The following PTPRG variants were observed in gnomAD, a reference collection of about 807,000 sequenced individuals.
PTPRG encodes protein tyrosine phosphatase receptor type G.
Under a neutral mutation model 165.3 loss-of-function variants are expected in PTPRG, and 102 were observed. The observed-to-expected ratio is 0.62, with a 90% CI of 0.53 to 0.73. The LOEUF (loss-of-function observed/expected upper bound fraction) is 0.73. Among genes scored for constraint, PTPRG ranks in the 30% least tolerant of loss-of-function variants. PTPRG has a pLI of 0.00. For synonymous variants in PTPRG, 675 were observed against 669.5 expected, an observed-to-expected ratio of 1.01 and a Z score of -0.13; for missense variants, 1,866 against 1,861.4, an observed-to-expected ratio of 1.00 and a Z score of -0.05.
rs186540477 is a variant in PTPRG, at chr3:62,162,984, G to A, written c.841-4987G>A. On this transcript the variant is annotated intron_variant, in intron 7 of 29. Coordinates refer to ENST00000474889, the MANE Select transcript of PTPRG (RefSeq NM_002841.4). Reference sequence around the variant, plus strand: ...CTCTGCAGGAGGCATGATTGGGAAGGCCTCAGGAAACTTACAATCATGGCG... The same window carrying A: ...CTCTGCAGGAGGCATGATTGGGAAGACCTCAGGAAACTTACAATCATGGCG... Among the ~76,000 whole-genome samples the A allele has an allele frequency of 2.0e-5, 3 of 152,326 alleles. No homozygotes were observed. In the East Asian group the frequency reaches 5.8e-4, roughly 29 times the overall value.
chr3:61,953,090 G>C (rs2039937413), intron 2 of PTPRG, among the ~76,000 whole-genome samples: 1 of 151,900 alleles, frequency 6.6e-6, no homozygotes, highest in South Asian at 2.1e-4. Flanking sequence ...CCGTGCCCCA[G>C]GTCAAGCCCA....
At chr3:62,103,467 C>G (rs182175301) in intron 5 of PTPRG, among the ~76,000 whole-genome samples, 22 of 152,314 alleles carry the variant, frequency 1.4e-4, no homozygotes, top group African/African-American at 5.3e-4. Flanking sequence ...TCCGGTCTCA[C>G]GGTTTTTAAA....
At chr3:61,944,649 T>C (rs1427408986) in intron 2 of PTPRG, among the ~76,000 whole-genome samples, 1 of 152,178 alleles carries the variant, frequency 6.6e-6, no homozygotes, top group Admixed American at 6.5e-5. Context: ...ATGACTAGGA[T>C]AGTTGTCAGC....
At chr3:62,109,813 T>A (rs1225110141) in intron 5 of PTPRG, among the ~76,000 whole-genome samples, 1 of 152,190 alleles carries the variant, frequency 6.6e-6, no homozygotes, top group Non-Finnish European at 1.5e-5. Context: ...TTCTAATCTA[T>A]GCTTTCTGGT....
In PTPRG at chr3:61,742,809, G is replaced by A. The variant is rs918392518; in HGVS notation, c.86-6069G>A. On this transcript the variant is annotated intron_variant, in intron 1 of 29. Transcript: ENST00000474889. ...CATCATACTTCTTGGCCAGCTTCTT[G>A]ACCAGTTTTTTATTCTTTTTGAGTT... The A allele has an allele frequency of 4.8e-5, 77 of 1,606,760 alleles. No individual in the cohort carries two copies. The East Asian group carries it at 1.7e-3, about 35-fold the overall frequency.
intron 6 of PTPRG, among the ~76,000 whole-genome samples, chr3:62,139,668 G>A (rs1023748935): frequency 2.6e-5 from 4 of 152,132 alleles, no homozygotes; most frequent in African/African-American, 7.2e-5. Flanking sequence ...TTTTCTTGTC[G>A]AAACACGGCA....
intron 8 of PTPRG, among the ~76,000 whole-genome samples, chr3:62,185,588 CA>C (rs201842951): frequency 1.3e-5 from 2 of 149,686 alleles, no homozygotes; most frequent in African/African-American, 4.9e-5. Flanking sequence ...GAGACTATGG[CA>C]AAAAAAAAGA....
At chr3:62,075,533 A>G (rs1458154270) in intron 4 of PTPRG, among the ~76,000 whole-genome samples, 2 of 152,368 alleles carry the variant, frequency 1.3e-5, no homozygotes, top group Non-Finnish European at 2.9e-5. Flanking sequence ...CTTAGGAAAA[A>G]GAATTACCTT....
rs149017478 is a variant in PTPRG, at chr3:61,678,913, G to A, written c.86-69965G>A. 7.2e-3 allele frequency among the ~76,000 whole-genome samples: 1,098 copies of A among 152,028 alleles called. 20 individuals carry two copies. The highest frequency in any genetic ancestry group is 0.025 in the African/African-American group (1,036 of 41,458). On this transcript the variant is annotated intron_variant, in intron 1 of 29. Coordinates refer to ENST00000474889, the MANE Select transcript of PTPRG (RefSeq NM_002841.4). ...GCCTCCCAATGCTCACCCCTCATTAGTATCTCTGTATTATGTGCAATTTTT... is the reference window on the plus strand; with the variant it reads ...GCCTCCCAATGCTCACCCCTCATTAATATCTCTGTATTATGTGCAATTTTT...
At chr3:62,275,573 G>A (rs1194451278) in intron 23 of PTPRG, among the ~76,000 whole-genome samples, 1 of 152,138 alleles carries the variant, frequency 6.6e-6, no homozygotes, top group African/African-American at 2.4e-5. Context: ...GAGCAGCCTG[G>A]GAAACACAGG....
chr3:61,685,306 G>A (rs1320084022), intron 1 of PTPRG, among the ~76,000 whole-genome samples: 14 of 152,200 alleles, frequency 9.2e-5, no homozygotes, highest in Non-Finnish European at 1.6e-4. Context: ...GGGCAAGTTA[G>A]TTTGGTTAGA....
chr3:62,258,498 AT>A (rs1345577475), intron 16 of PTPRG, among the ~76,000 whole-genome samples: 2 of 152,180 alleles, frequency 1.3e-5, no homozygotes, highest in East Asian at 1.9e-4. Context: ...GCATCTATGT[AT>A]TTTCATTGGA....
At chr3:61,690,998 A>T (rs1458692760) in intron 1 of PTPRG, among the ~76,000 whole-genome samples, 11 of 152,192 alleles carry the variant, frequency 7.2e-5, no homozygotes, top group Non-Finnish European at 1.5e-4. Flanking sequence ...AAACCACAGA[A>T]TCCTTCAATA....
intron 6 of PTPRG, among the ~76,000 whole-genome samples, chr3:62,150,456 G>T (rs192080357): frequency 7.7e-4 from 117 of 152,294 alleles, no homozygotes; most frequent in African/African-American, 2.7e-3. Context: ...AGACCTACTG[G>T]ATCAGAATCT....
chr3:61,926,390 C>T (rs1286203280), intron 2 of PTPRG, among the ~76,000 whole-genome samples: 1 of 152,080 alleles, frequency 6.6e-6, no homozygotes, highest in Non-Finnish European at 1.5e-5. Flanking sequence ...CCTCCTCTCT[C>T]TTGCTCCTAC....
chr3:62,278,824 T>C (rs1051198123), intron 26 of PTPRG, among the ~76,000 whole-genome samples: 1 of 152,052 alleles, frequency 6.6e-6, no homozygotes, highest in Admixed American at 6.6e-5. Flanking sequence ...CTGTTTGGCA[T>C]GTGGAAATTG....
chr3:61,621,051 A>ATATATGTGTG lies in PTPRG; in HGVS notation c.85+58680_85+58681insATATGTGTGT. Among the ~76,000 whole-genome samples, 222 of 117,988 alleles carry ATATATGTGTG rather than the reference A, an allele frequency of 1.9e-3. 5 individuals carry two copies. Among genetic ancestry groups the ATATATGTGTG allele is most frequent in the African/African-American group, 6.4e-3 (213 of 33,516 alleles). The allele number at this position is 117,988 out of a possible 152,430, so 77.4% of individuals were successfully genotyped here. The stretch of plus-strand genomic sequence containing the variant: ...TGTGTGTGTATATATATATATATAT[A>ATATATGTGTG]TGTGTGTGTGTGTGTGTGTGTGTGT... On this transcript the variant is annotated intron_variant, in intron 1 of 29. Coordinates refer to ENST00000474889, the MANE Select transcript of PTPRG (RefSeq NM_002841.4).
At chr3:61,996,804 C>G (rs1383752751) in intron 3 of PTPRG, among the ~76,000 whole-genome samples, 1 of 152,164 alleles carries the variant, frequency 6.6e-6, no homozygotes, top group Non-Finnish European at 1.5e-5. Context: ...TGGAATTGAG[C>G]TTGGAGCTAT....
intron 2 of PTPRG, among the ~76,000 whole-genome samples, chr3:61,866,819 G>A (rs554803171): frequency 1.3e-5 from 2 of 151,884 alleles, no homozygotes; most frequent in Admixed American, 6.6e-5. Flanking sequence ...GGATGGTCTC[G>A]ATCTCTTGAA....
Sources: gnomAD v4.1 joint callset for allele counts (sites outside exome capture counted in the v4.1 genomes callset) on GRCh38, gnomAD v4.1.1 for gene constraint, MANE v1.5 for transcripts, NCBI Gene and HGNC (gene_info 2026-07-23, HGNC 2026-07-21) for gene names.